Variants in CCSER1 observed in about 807,000 individuals in gnomAD.
CCSER1 encodes the protein coiled-coil serine rich protein 1, also known as serine-rich coiled-coil domain-containing protein 1.
In CCSER1, 41 loss-of-function variants were observed where a neutral mutation model predicts 82.0. The observed-to-expected ratio is 0.50, with a 90% confidence interval of 0.39 to 0.65. The LOEUF (loss-of-function observed/expected upper bound fraction) is 0.65. CCSER1 is among the 30% of genes least tolerant of loss of function. CCSER1 has a pLI of 0.00. For synonymous variants in CCSER1, 414 were observed against 383.9 expected (o/e 1.08, Z -0.92); for missense variants, 1,119 against 1,064.2 (o/e 1.05, Z -0.72).
chr4:90,932,998 A>AAGAAAGAAAGAAAGAAAGAAAGAAAG (rs1730288952), intron 9 of CCSER1, among the ~76,000 whole-genome samples: 1 of 72,036 alleles, frequency 1.4e-5, no homozygotes, highest in Non-Finnish European at 2.5e-5. Flanking sequence ...GAAAGAAAGA[A>AAGAAAGAAAGAAAGAAAGAAAGAAAG]AGAAAGAAAG....
intron 4 of CCSER1, among the ~76,000 whole-genome samples, chr4:90,439,734 C>T (rs914934671): frequency 2.0e-5 from 3 of 152,112 alleles, no homozygotes; most frequent in Admixed American, 6.5e-5. Flanking sequence ...ATAGACTAAT[C>T]CTTTCTTTGC....
chr4:91,398,632 T>TA (rs1350006327), intron 10 of CCSER1, among the ~76,000 whole-genome samples: 7 of 151,870 alleles, frequency 4.6e-5, no homozygotes, highest in African/African-American at 1.7e-4. Flanking sequence ...ATGCTTTAAT[T>TA]AAAAAATTGA....
intron 8 of CCSER1, chr4:90,839,106 C>G (rs1762235330): frequency 8.6e-7 from 1 of 1,163,150 alleles, no homozygotes; most frequent in Non-Finnish European, 1.3e-6. Context: ...GTGGCCACCA[C>G]CGAGTTGTCG....
intron 1 of CCSER1, among the ~76,000 whole-genome samples, chr4:90,224,618 C>T (rs974692328): frequency 2.0e-5 from 3 of 152,156 alleles, no homozygotes; most frequent in African/African-American, 7.2e-5. Flanking sequence ...ATGAAACACA[C>T]ACGTATGTTT....
chr4:90,391,444 GTA>G (rs770320334), intron 3 of CCSER1, among the ~76,000 whole-genome samples: 2,887 of 37,366 alleles, frequency 0.077, 78 homozygotes, highest in Admixed American at 0.12. Flanking sequence ...ATATATGGGG[GTA>G]TATATATATA....
chr4:90,318,364 G>A (rs1736539019), intron 3 of CCSER1, among the ~76,000 whole-genome samples: 1 of 152,090 alleles, frequency 6.6e-6, no homozygotes, highest in Non-Finnish European at 1.5e-5. Flanking sequence ...AGATTACTCA[G>A]CAAATGCATT....
intron 8 of CCSER1, among the ~76,000 whole-genome samples, chr4:90,905,342 C>T (rs1290102850): frequency 7.1e-6 from 1 of 140,252 alleles, no homozygotes; most frequent in Non-Finnish European, 1.5e-5. Context: ...TCCTTGCTCA[C>T]TACGTTCTAG....
chr4:90,846,834 A>G (rs1695223729), intron 8 of CCSER1, among the ~76,000 whole-genome samples: 1 of 152,108 alleles, frequency 6.6e-6, no homozygotes, highest in South Asian at 2.1e-4. Flanking sequence ...TTTTTAGTAG[A>G]GATGGGATTT....
chr4:90,485,173 C>T (rs1455039562), intron 5 of CCSER1, among the ~76,000 whole-genome samples: 1 of 152,208 alleles, frequency 6.6e-6, no homozygotes, highest in Non-Finnish European at 1.5e-5. Context: ...ACCCTCTGAG[C>T]CAGTTGCGGG....
intron 3 of CCSER1, among the ~76,000 whole-genome samples, chr4:90,337,670 C>T (rs1740664866): frequency 6.6e-6 from 1 of 150,636 alleles, no homozygotes; most frequent in South Asian, 2.1e-4. Context: ...TACTGAGGAT[C>T]AAAAAGAATG....
intron 1 of CCSER1, among the ~76,000 whole-genome samples, chr4:90,251,862 T>G (rs1722441403): frequency 1.3e-5 from 2 of 151,896 alleles, no homozygotes; most frequent in Non-Finnish European, 2.9e-5. Flanking sequence ...AAAAATAATT[T>G]GAGTCTTTTC....
intron 5 of CCSER1, among the ~76,000 whole-genome samples, chr4:90,516,311 A>T (rs1772262855): frequency 6.6e-6 from 1 of 152,210 alleles, no homozygotes. Flanking sequence ...AACAGATGAC[A>T]TACCAAAAAG....
At chr4:91,391,992 G>T (rs1171747802) in intron 10 of CCSER1, among the ~76,000 whole-genome samples, 1 of 151,636 alleles carries the variant, frequency 6.6e-6, no homozygotes, top group Admixed American at 6.6e-5. Flanking sequence ...CACATATATA[G>T]ACATATAGAC....
chr4:91,543,570 T>C (rs1330736641), intron 10 of CCSER1, among the ~76,000 whole-genome samples: 1 of 152,192 alleles, frequency 6.6e-6, no homozygotes, highest in Non-Finnish European at 1.5e-5. Flanking sequence ...AAGCTTAATT[T>C]GGCTGGATAT....
At chr4:90,705,566 CA>C (rs1739170711) in intron 6 of CCSER1, among the ~76,000 whole-genome samples, 1 of 152,198 alleles carries the variant, frequency 6.6e-6, no homozygotes, top group Non-Finnish European at 1.5e-5. Flanking sequence ...GCCCGGCCCC[CA>C]GAGGTGGAGT....
intron 3 of CCSER1, among the ~76,000 whole-genome samples, chr4:90,315,448 G>T (rs952412593): frequency 6.6e-6 from 1 of 152,002 alleles, no homozygotes; most frequent in African/African-American, 2.4e-5. Context: ...TCTTCCTTTG[G>T]ATTTTACAAG....
intron 1 of CCSER1, among the ~76,000 whole-genome samples, chr4:90,230,500 AT>A (rs1354888173): frequency 1.3e-5 from 2 of 152,042 alleles, no homozygotes; most frequent in African/African-American, 4.8e-5. Context: ...ATAGCACTAA[AT>A]GCCCACAAGA....
chr4:91,402,466 G>T (rs1242101360), intron 10 of CCSER1, among the ~76,000 whole-genome samples: 4 of 152,082 alleles, frequency 2.6e-5, no homozygotes, highest in Non-Finnish European at 5.9e-5. Context: ...TGAAGTCCTT[G>T]CCCATGCCTA....
chr4:91,349,427 TG>T (rs201793893), intron 10 of CCSER1, among the ~76,000 whole-genome samples: 10,023 of 80,378 alleles, frequency 0.12, 1,099 homozygotes, highest in African/African-American at 0.43. Flanking sequence ...CCTGATGTAA[TG>T]GTTAAGTTGT....
Sources: allele counts gnomAD v4.1 joint callset (sites outside exome capture counted in the v4.1 genomes callset), GRCh38; gene constraint gnomAD v4.1.1; transcripts MANE v1.5; gene names NCBI Gene and HGNC (gene_info 2026-07-23, HGNC 2026-07-21).